The following LRRC37A2 variants were observed in gnomAD, a reference collection of about 807,000 sequenced individuals.
LRRC37A2 encodes leucine rich repeat containing 37 member A2, also known as leucine-rich repeat-containing protein 37A2.
LRRC37A2 carries 9 observed loss-of-function variants against 68.8 expected under a neutral mutation model. The observed-to-expected ratio is 0.13, with a 90% CI of 0.08 to 0.23. The LOEUF (loss-of-function observed/expected upper bound fraction) is 0.23, where lower values mean the gene tolerates loss of function less well. Among genes scored for constraint, LRRC37A2 ranks in the 10% least tolerant of loss-of-function variants. The pLI is 1.00. For synonymous variants in LRRC37A2, 63 were observed against 367.6 expected (o/e 0.17, Z 9.48); for missense variants, 168 against 950.4 (o/e 0.18, Z 10.82).
the LRRC37A2 span, among the ~76,000 whole-genome samples, chr17:46,657,838 T>C: frequency 2.7e-5 from 2 of 72,806 alleles, no homozygotes; most frequent in Non-Finnish European, 4.6e-5. Context: ...TCTGTGGAAG[T>C]TGAGAGTGAT....
the LRRC37A2 span, among the ~76,000 whole-genome samples, chr17:47,006,253 G>A: frequency 6.6e-6 from 1 of 152,214 alleles, no homozygotes; most frequent in East Asian, 1.9e-4. Flanking sequence ...CCTTCGAGCT[G>A]GCAAGAGGAG....
At chr17:46,802,574 A>G in the LRRC37A2 span, among the ~76,000 whole-genome samples, 1 of 152,060 alleles carries the variant, frequency 6.6e-6, no homozygotes, top group Non-Finnish European at 1.5e-5. Context: ...GGCCAAGATT[A>G]GAGGGTTGGA....
the LRRC37A2 span, among the ~76,000 whole-genome samples, chr17:46,853,449 G>T: frequency 7.1e-6 from 1 of 140,182 alleles, no homozygotes; most frequent in East Asian, 2.2e-4. Context: ...TTGGGTCACT[G>T]CAACCTCCAT....
the LRRC37A2 span, among the ~76,000 whole-genome samples, chr17:46,865,079 T>C: frequency 6.6e-6 from 1 of 152,222 alleles, no homozygotes; most frequent in African/African-American, 2.4e-5. Flanking sequence ...CCGCAGCCAC[T>C]GTGACACCTG....
the LRRC37A2 span, among the ~76,000 whole-genome samples, chr17:46,969,947 G>A: frequency 6.6e-6 from 1 of 152,150 alleles, no homozygotes; most frequent in Admixed American, 6.5e-5. Context: ...TGATGTGCGG[G>A]GTGGGGGAAC....
the LRRC37A2 span, among the ~76,000 whole-genome samples, chr17:46,802,344 C>A: frequency 6.6e-6 from 1 of 152,216 alleles, no homozygotes; most frequent in African/African-American, 2.4e-5. Flanking sequence ...CAGCTCACTG[C>A]AACCTCCGCC....
the LRRC37A2 span, among the ~76,000 whole-genome samples, chr17:47,003,638 G>C: frequency 6.6e-6 from 1 of 152,192 alleles, no homozygotes; most frequent in Non-Finnish European, 1.5e-5. Flanking sequence ...TTTTAATTAC[G>C]TGGATGGCGT....
the LRRC37A2 span, chr17:46,876,579 G>A: frequency 1.2e-6 from 2 of 1,613,540 alleles, no homozygotes; most frequent in Non-Finnish European, 1.7e-6. Context: ...GCCAGCTGCA[G>A]CAGCCTGTGC....
the LRRC37A2 span, among the ~76,000 whole-genome samples, chr17:46,503,328 C>G: frequency 6.7e-6 from 1 of 149,696 alleles, no homozygotes; most frequent in African/African-American, 2.5e-5. Flanking sequence ...TTCACTCAAT[C>G]AACAGACCAT....
At chr17:46,858,323 T>C in the LRRC37A2 span, among the ~76,000 whole-genome samples, 1 of 152,200 alleles carries the variant, frequency 6.6e-6, no homozygotes, top group Admixed American at 6.5e-5. Context: ...CTTATTGATG[T>C]CTTATGAAGA....
At chr17:46,743,595 C>T in the LRRC37A2 span, among the ~76,000 whole-genome samples, 3 of 152,246 alleles carry the variant, frequency 2.0e-5, no homozygotes, top group African/African-American at 7.2e-5. Flanking sequence ...GGACTTGCCT[C>T]ACCATTGCTT....
the LRRC37A2 span, among the ~76,000 whole-genome samples, chr17:46,771,780 G>A: frequency 7.0e-6 from 1 of 142,792 alleles, no homozygotes; most frequent in South Asian, 2.1e-4. Flanking sequence ...GCCGCGCCGC[G>A]CCGCGCCGAA....
At chr17:47,000,618 T>G in the LRRC37A2 span, among the ~76,000 whole-genome samples, 3 of 152,142 alleles carry the variant, frequency 2.0e-5, no homozygotes, top group Non-Finnish European at 2.9e-5. Flanking sequence ...CAATTGAACC[T>G]TCTCTCCTTT....
chr17:46,758,937 A>C, the LRRC37A2 span, among the ~76,000 whole-genome samples: 1 of 152,184 alleles, frequency 6.6e-6, no homozygotes, highest in Admixed American at 6.5e-5. Flanking sequence ...CGGGCGCAGT[A>C]GCTCACACTT....
At chr17:46,983,578 G>A in the LRRC37A2 span, among the ~76,000 whole-genome samples, 1 of 152,130 alleles carries the variant, frequency 6.6e-6, no homozygotes, top group South Asian at 2.1e-4. Context: ...ACAGGCATGA[G>A]CCACTGCACC....
the LRRC37A2 span, among the ~76,000 whole-genome samples, chr17:46,901,136 C>T: frequency 6.6e-6 from 1 of 151,904 alleles, no homozygotes; most frequent in Non-Finnish European, 1.5e-5. Context: ...AAGCCCAGCA[C>T]ATTTATTTAT....
At chr17:47,036,089 AT>A in the LRRC37A2 span, among the ~76,000 whole-genome samples, 1 of 152,132 alleles carries the variant, frequency 6.6e-6, no homozygotes, top group South Asian at 2.1e-4. Flanking sequence ...TAATTTGCCA[AT>A]ATTTTCTCTC....
chr17:46,610,140 T>C, the LRRC37A2 span, among the ~76,000 whole-genome samples: 6 of 116,818 alleles, frequency 5.1e-5, no homozygotes, highest in African/African-American at 1.6e-4. Flanking sequence ...TTTCTTCCTT[T>C]CTTTTTGTAG....
At chr17:47,009,008 A>G in the LRRC37A2 span, among the ~76,000 whole-genome samples, 3 of 152,282 alleles carry the variant, frequency 2.0e-5, no homozygotes, top group South Asian at 6.2e-4. Context: ...TATAAATTAC[A>G]CATTTCTTTA....
Sources: allele counts gnomAD v4.1 joint callset (sites outside exome capture counted in the v4.1 genomes callset), GRCh38; gene constraint gnomAD v4.1.1; transcripts MANE v1.5; gene names NCBI Gene and HGNC (gene_info 2026-07-23, HGNC 2026-07-21).